KDM4B: variants seen among roughly 807,000 people sequenced by gnomAD.
KDM4B encodes the protein lysine-specific demethylase 4B.
KDM4B carries 32 observed loss-of-function variants against 125.2 expected under a neutral mutation model. The ratio of observed to expected loss-of-function variants is 0.26; its 90% CI spans 0.19 to 0.34. The LOEUF (loss-of-function observed/expected upper bound fraction) is 0.34. KDM4B is among the 10% of genes least tolerant of loss of function. KDM4B has a pLI of 1.00. For missense variants in KDM4B, 1,190 were observed against 1,577.7 expected (o/e 0.75, Z 4.16); for synonymous variants, 721 against 677.9 (o/e 1.06, Z -0.99).
Position 5,133,776 on chromosome 19 carries a change from G to A in KDM4B, c.1907-107G>A, listed in dbSNP as rs559830212. ...CTATGGGCCAGGGACCCTGTGGGCAGCCAGGGCTGTAGACCCGGGGCCATC... is the reference window on the plus strand; with the variant it reads ...CTATGGGCCAGGGACCCTGTGGGCAACCAGGGCTGTAGACCCGGGGCCATC... On this transcript the variant is annotated intron_variant, in intron 13 of 22. Coordinates refer to ENST00000159111, the MANE Select transcript of KDM4B (RefSeq NM_015015.3). 49 of 1,190,486 alleles carry A rather than the reference G, an allele frequency of 4.1e-5. No homozygotes were observed. The East Asian group carries it at 1.1e-3, about 27-fold the overall frequency. 73.7% of individuals were successfully genotyped at this position (1,190,486 alleles called of 1,614,324 possible).
chr19:5,044,375 C>T (rs1350988074), intron 5 of KDM4B, among the ~76,000 whole-genome samples: 2 of 125,262 alleles, frequency 1.6e-5, no homozygotes, highest in African/African-American at 6.2e-5. Context: ...TCCACCTTAT[C>T]CCGCGTGGTG....
At chr19:5,045,896 T>C (rs1267388789) in intron 5 of KDM4B, among the ~76,000 whole-genome samples, 2 of 152,246 alleles carry the variant, frequency 1.3e-5, no homozygotes, top group Non-Finnish European at 2.9e-5. Context: ...AGGCGTGAGC[T>C]ACCGCGCCTG....
At chr19:5,011,431 G>A (rs562355825) in intron 1 of KDM4B, among the ~76,000 whole-genome samples, 45 of 152,310 alleles carry the variant, frequency 3.0e-4, no homozygotes, top group African/African-American at 1.0e-3. Flanking sequence ...TCATGTCGTG[G>A]GCCCATCTGA....
intron 1 of KDM4B, among the ~76,000 whole-genome samples, chr19:5,009,869 T>C (rs1008607271): frequency 6.6e-6 from 1 of 152,092 alleles, no homozygotes; most frequent in African/African-American, 2.4e-5. Flanking sequence ...GTAGCTGGGA[T>C]TACAGGTGCC....
intron 9 of KDM4B, among the ~76,000 whole-genome samples, chr19:5,083,772 T>C (rs1385443777): frequency 6.6e-6 from 1 of 152,194 alleles, no homozygotes; most frequent in African/African-American, 2.4e-5. Flanking sequence ...GGCAGCGGGC[T>C]GGCCAGGGTG....
Position 5,144,916 on chromosome 19 carries a change from C to G in KDM4B, c.3021+14C>G. 1 of 1,612,984 alleles carries G rather than the reference C, an allele frequency of 6.2e-7. No individual in the cohort carries two copies. On this transcript the variant is annotated intron_variant, in intron 21 of 22. Transcript: ENST00000159111. Reference sequence around the variant, plus strand: ...CACATCTACCAGGTAAGCGGGGGATCTGGCAGCCGCGCCATGCCTTCACCA... The same window carrying G: ...CACATCTACCAGGTAAGCGGGGGATGTGGCAGCCGCGCCATGCCTTCACCA...
chr19:5,032,723 C>T (rs1171837721), intron 2 of KDM4B, 143 bp from the exon 3 acceptor site: 5 of 680,536 alleles, frequency 7.3e-6, no homozygotes, highest in African/African-American at 3.6e-5. Context: ...CTCTTCTGCC[C>T]TCACTCAGCC....
chr19:4,978,827 C>T (rs1367443443), intron 1 of KDM4B, among the ~76,000 whole-genome samples: 1 of 152,238 alleles, frequency 6.6e-6, no homozygotes, highest in African/African-American at 2.4e-5. Flanking sequence ...ATGGCTGTCA[C>T]TGTAGCCACA....
At chr19:5,127,651 A>G (rs2146042675) in intron 11 of KDM4B, among the ~76,000 whole-genome samples, 1 of 152,338 alleles carries the variant, frequency 6.6e-6, no homozygotes, top group South Asian at 2.1e-4. Flanking sequence ...TCCGGGAGAC[A>G]GAACCAGGCA....
rs78150198 is a variant in KDM4B at position 5,140,028 on chromosome 19, G to A, written c.2550+1958G>A. Among the ~76,000 whole-genome samples, 1,361 of 152,310 alleles carry A rather than the reference G, an allele frequency of 8.9e-3. 8 individuals carry two copies. Among genetic ancestry groups the A allele is most frequent in the South Asian group, 0.034 (162 of 4,830 alleles). ...TCCTCGACCTCTCTGTGCCTCGGCC[G>A]TCCCTTCTGTGCTGTGGGGTTGCCA... On this transcript the variant is annotated intron_variant, in intron 18 of 22. Transcript: ENST00000159111.
At chr19:4,977,763 G>A (rs532578014) in intron 1 of KDM4B, among the ~76,000 whole-genome samples, 3 of 152,242 alleles carry the variant, frequency 2.0e-5, no homozygotes, top group South Asian at 4.2e-4. Context: ...CCCTCAGCCG[G>A]GACTCAGGAC....
At chr19:5,018,843 C>T (rs745540464) in intron 2 of KDM4B, among the ~76,000 whole-genome samples, 4 of 152,252 alleles carry the variant, frequency 2.6e-5, no homozygotes, top group Non-Finnish European at 4.4e-5. Flanking sequence ...GAGTCTCTCA[C>T]TGAGTGGCCC....
In KDM4B at chr19:5,142,157, C is replaced by T. The variant is rs148647833; in HGVS notation, c.2551-1810C>T. ...CGCGTCGTCCTCACAGCCCTGTGGCCTCCGAGGAAGGACACCGAGCCGGGA... is the reference window on the plus strand; with the variant it reads ...CGCGTCGTCCTCACAGCCCTGTGGCTTCCGAGGAAGGACACCGAGCCGGGA... On this transcript the variant is annotated intron_variant, in intron 18 of 22. Coordinates refer to ENST00000159111, the MANE Select transcript of KDM4B (RefSeq NM_015015.3). The surrounding 1 kb of genome is among the most constrained non-coding windows in gnomAD (Gnocchi z 5.4). Among the ~76,000 whole-genome samples, 1 of 152,284 alleles carries T rather than the reference C, an allele frequency of 6.6e-6. No homozygotes were observed. The highest frequency in any genetic ancestry group is 1.5e-5 in the Non-Finnish European group (1 of 68,004).
intron 1 of KDM4B, among the ~76,000 whole-genome samples, chr19:5,013,753 G>A (rs2035802037): frequency 6.6e-6 from 1 of 152,202 alleles, no homozygotes; most frequent in African/African-American, 2.4e-5. Flanking sequence ...AGTCCCATCC[G>A]CAAAGCCCCT....
intron 6 of KDM4B, among the ~76,000 whole-genome samples, chr19:5,048,650 A>G (rs1026475809): frequency 2.0e-5 from 3 of 152,066 alleles, no homozygotes; most frequent in Admixed American, 6.5e-5. Flanking sequence ...AAAAAAGCAC[A>G]ATGAGCAGGA....
intron 1 of KDM4B, among the ~76,000 whole-genome samples, chr19:4,996,161 TG>T (rs1188149921): frequency 5.3e-5 from 8 of 152,276 alleles, no homozygotes; most frequent in Admixed American, 4.6e-4. Context: ...GGCTAATTTT[TG>T]TATTTTTGGT....
chr19:5,150,254 A>C, intron 21 of KDM4B, 104 bp from the exon 22 acceptor site: 4 of 851,478 alleles, frequency 4.7e-6, no homozygotes. Flanking sequence ...AGCGGGCCCC[A>C]TGCACCCAAG....
intron 5 of KDM4B, among the ~76,000 whole-genome samples, chr19:5,046,193 G>T (rs922127728): frequency 6.6e-6 from 1 of 152,240 alleles, no homozygotes; most frequent in Admixed American, 6.5e-5. Flanking sequence ...AGCCCAGGCC[G>T]ACCTGCCACA....
chr19:5,150,852 C>T (rs2039934614), intron 22 of KDM4B, among the ~76,000 whole-genome samples: 1 of 152,222 alleles, frequency 6.6e-6, no homozygotes, highest in Non-Finnish European at 1.5e-5. Context: ...CAGTTGTCGG[C>T]TTAAAAAAGC....
Sources: allele counts gnomAD v4.1 joint callset (sites outside exome capture counted in the v4.1 genomes callset), GRCh38; gene constraint gnomAD v4.1.1; non-coding constraint Gnocchi (gnomAD v3.1); transcripts MANE v1.5; gene names NCBI Gene and HGNC (gene_info 2026-07-23, HGNC 2026-07-21).